FILIP1L: variants seen among roughly 807,000 people sequenced by gnomAD.
The protein encoded by FILIP1L is filamin A interacting protein 1 like, also known as filamin A-interacting protein 1-like.
In FILIP1L, 55 loss-of-function variants were observed where a neutral mutation model predicts 96.6. The ratio of observed to expected loss-of-function variants is 0.57; its 90% confidence interval spans 0.46 to 0.71. FILIP1L has a LOEUF of 0.71. FILIP1L is among the 30% of genes least tolerant of loss of function. The pLI, the probability that FILIP1L is intolerant of heterozygous loss-of-function variation, is 0.00. For synonymous variants in FILIP1L, 467 were observed against 473.9 expected, an observed-to-expected ratio of 0.99 and a Z score of 0.19; for missense variants, 1,304 against 1,321.2, an observed-to-expected ratio of 0.99 and a Z score of 0.20.
rs778260129 is a variant in FILIP1L at position 99,849,140 on chromosome 3, A to G, written c.2536T>C (p.Ser846Pro). The G allele has an allele frequency of 1.1e-4, 183 of 1,614,032 alleles. 5 individuals are homozygous for G. In the South Asian group the frequency reaches 2.0e-3, roughly 18 times the overall value. Residue 846 changes from serine (S) to proline (P), a missense_variant, in exon 5 of 6, where the codon TCC (serine) becomes CCC (proline). Transcript: ENST00000477258. ...EDPNDEGSVL[S>P]FKCSQSTPCP... The stretch of plus-strand genomic sequence containing the variant: ...GGAGTAGACTGGCTGCATTTGAAGG[A>G]CAGCACAGATCCCTCATCATTAGGG...
chr3:99,856,271 G>A (rs1017816346), intron 4 of FILIP1L, among the ~76,000 whole-genome samples: 1 of 152,178 alleles, frequency 6.6e-6, no homozygotes, highest in Non-Finnish European at 1.5e-5. Flanking sequence ...AAGTGTTGTT[G>A]GAAAAGGAGA....
chr3:99,849,965 A>G lies in FILIP1L; in HGVS notation c.1711T>C (p.Leu571=). The G allele has an allele frequency of 6.2e-7, 1 of 1,612,408 alleles. No individual in the cohort carries two copies. The highest frequency in any genetic ancestry group is 2.2e-5 in the East Asian group (1 of 44,838). ...TKERDDLKNK[L]KAEEEKGNDL... ...TTTCCTTTCTCTTCTTCCGCTTTCA[A>G]TTTGTTTTTTAAATCATCTCTCTCC... Residue 571 remains leucine, a synonymous_variant, in exon 5 of 6, where the codon TTG becomes CTG. Transcript: ENST00000477258.
intron 1 of FILIP1L, chr3:100,025,479 G>T (rs1162166606): frequency 2.6e-5 from 4 of 151,976 alleles, no homozygotes; most frequent in Non-Finnish European, 5.9e-5. Flanking sequence ...GTTGCCTAGG[G>T]TTAAAATAGA....
chr3:100,035,696 G>T (rs2065096617), intron 1 of FILIP1L, among the ~76,000 whole-genome samples: 1 of 152,138 alleles, frequency 6.6e-6, no homozygotes, highest in East Asian at 1.9e-4. Context: ...TGATATAGGG[G>T]TATTTCTTGA....
At chr3:99,915,797 C>T (rs1233540408) in intron 4 of FILIP1L, among the ~76,000 whole-genome samples, 1 of 152,154 alleles carries the variant, frequency 6.6e-6, no homozygotes, top group Non-Finnish European at 1.5e-5. Flanking sequence ...TGTCATTAGC[C>T]TGCAACTTTG....
chr3:99,863,947 A>G (rs1174187219), intron 4 of FILIP1L, among the ~76,000 whole-genome samples: 1 of 152,228 alleles, frequency 6.6e-6, no homozygotes, highest in African/African-American at 2.4e-5. Context: ...AGATCTTTCC[A>G]TTGGATCAGT....
intron 1 of FILIP1L, among the ~76,000 whole-genome samples, chr3:100,068,383 TC>T (rs2065703326): frequency 1.4e-5 from 2 of 138,678 alleles, no homozygotes; most frequent in Admixed American, 1.4e-4. Context: ...TGTGTGTGTG[TC>T]AGAGAGATAT....
chr3:100,092,486 A>G (rs2066127709), intron 1 of FILIP1L, among the ~76,000 whole-genome samples: 2 of 151,964 alleles, frequency 1.3e-5, no homozygotes, highest in African/African-American at 2.4e-5. Flanking sequence ...GCTGAAAAAT[A>G]AAGTACAAAT....
chr3:100,048,650 G>C (rs1376214203), intron 1 of FILIP1L, among the ~76,000 whole-genome samples: 2 of 152,162 alleles, frequency 1.3e-5, no homozygotes, highest in African/African-American at 4.8e-5. Context: ...GAAAATAAAA[G>C]CCAAATCAGG....
intron 3 of FILIP1L, among the ~76,000 whole-genome samples, chr3:99,928,899 G>T (rs534302743): frequency 6.6e-6 from 1 of 152,138 alleles, no homozygotes; most frequent in African/African-American, 2.4e-5. Flanking sequence ...TCCTCACCCC[G>T]TAGAGAAGCA....
chr3:100,050,525 G>T (rs1183175260), intron 1 of FILIP1L, among the ~76,000 whole-genome samples: 1 of 151,932 alleles, frequency 6.6e-6, no homozygotes, highest in Non-Finnish European at 1.5e-5. Context: ...CAATTTGTTT[G>T]TTTATTTGTT....
chr3:100,031,412 A>G (rs1311836882), intron 1 of FILIP1L, among the ~76,000 whole-genome samples: 1 of 152,054 alleles, frequency 6.6e-6, no homozygotes, highest in Non-Finnish European at 1.5e-5. Flanking sequence ...AAGTGGAGTG[A>G]GGAAGGAGTT....
chr3:100,088,390 T>C (rs1161652701), intron 1 of FILIP1L, among the ~76,000 whole-genome samples: 2 of 152,046 alleles, frequency 1.3e-5, no homozygotes, highest in African/African-American at 4.8e-5. Context: ...TGCAAATGAG[T>C]AAGTTATTAT....
At chr3:100,086,759 C>G (rs1305427288) in intron 1 of FILIP1L, among the ~76,000 whole-genome samples, 1 of 152,130 alleles carries the variant, frequency 6.6e-6, no homozygotes, top group Non-Finnish European at 1.5e-5. Context: ...TAGGACAGGT[C>G]TGTGATTCAG....
At position 99,849,694 on chromosome 3, in the gene FILIP1L, C is replaced by T. The variant is rs201639756; in HGVS notation, c.1982G>A (p.Arg661Gln). The stretch of plus-strand genomic sequence containing the variant: ...TTTGTCTCGTTCATTAGCATACCTT[C>T]GTTCTAGAGTCTCATATTCATCTTC... ...KTEDEYETLE[R>Q]RYANERDKAQ... The change falls in exon 5 of 6, where the codon CGA becomes CAA. Residue 661 changes from arginine (R) to glutamine (Q), a missense_variant. Arg to Gln is a conservative substitution (Grantham distance 43). Coordinates refer to ENST00000477258, the MANE Select transcript of FILIP1L (RefSeq NM_001387850.1). 3.3e-4 allele frequency: 527 copies of T among 1,613,358 alleles called. No homozygotes were observed. The highest frequency in any genetic ancestry group is 1.9e-3 in the South Asian group (172 of 90,974).
At chr3:99,970,102 T>G (rs1283093613) in intron 1 of FILIP1L, among the ~76,000 whole-genome samples, 1 of 152,264 alleles carries the variant, frequency 6.6e-6, no homozygotes, top group Non-Finnish European at 1.5e-5. Flanking sequence ...ATAAAAATAG[T>G]AATTTCATAT....
At chr3:99,941,305 A>G (rs1313183994) in intron 1 of FILIP1L, among the ~76,000 whole-genome samples, 1 of 152,222 alleles carries the variant, frequency 6.6e-6, no homozygotes, top group Non-Finnish European at 1.5e-5. Flanking sequence ...CAGGTTCACG[A>G]GTAAATACAA....
chr3:100,052,217 G>A (rs2065385917), intron 1 of FILIP1L, among the ~76,000 whole-genome samples: 1 of 152,182 alleles, frequency 6.6e-6, no homozygotes, highest in Admixed American at 6.5e-5. Context: ...ATTGACTATG[G>A]CATATGTGGG....
At chr3:99,985,969 T>G (rs1000717175) in intron 1 of FILIP1L, among the ~76,000 whole-genome samples, 10 of 152,212 alleles carry the variant, frequency 6.6e-5, no homozygotes, top group African/African-American at 2.2e-4. Flanking sequence ...ACAGAACACA[T>G]TTGTACCACA....
Sources: allele counts gnomAD v4.1 joint callset (sites outside exome capture counted in the v4.1 genomes callset), GRCh38; gene constraint gnomAD v4.1.1; transcripts MANE v1.5; gene names NCBI Gene and HGNC (gene_info 2026-07-23, HGNC 2026-07-21).